The following ORC1 variants were observed in gnomAD, a reference collection of about 807,000 sequenced individuals.
ORC1 encodes the protein origin recognition complex, subunit 1 homolog.
A neutral mutation model predicts 98.9 loss-of-function variants in ORC1; 61 were observed. The observed-to-expected ratio is 0.62, with a 90% CI of 0.50 to 0.76. The LOEUF (loss-of-function observed/expected upper bound fraction) is 0.76, where lower values mean the gene tolerates loss of function less well. Among genes scored for constraint, ORC1 ranks in the 30% least tolerant of loss-of-function variants. ORC1 has a pLI of 0.00. For missense variants in ORC1, 979 were observed against 1,072.2 expected (o/e 0.91, Z 1.21); for synonymous variants, 385 against 406.9 (o/e 0.95, Z 0.65).
rs1259461226 is a variant in ORC1, at chr1:52,383,848, G to A, written c.1845C>T (p.Thr615=). Residue 615 remains threonine, a synonymous_variant, in exon 12 of 17, where the codon ACC becomes ACT. Transcript: ENST00000371568. The part of the protein sequence containing the change: ...FCTRGSPQET[T]VLLVDELDLL... ...ACCTCACCTCATCCACAAGCAGGAC[G>A]GTGGTTTCCTGAGGTGACCCTCGGG... 1.2e-5 allele frequency: 20 copies of A among 1,613,702 alleles called. No homozygotes were observed. Among genetic ancestry groups the A allele is most frequent in the Admixed American group, 1.7e-5 (1 of 60,000 alleles).
Position 52,384,660 on chromosome 1 carries a change from G to C in ORC1, c.1645C>G (p.Arg549Gly). 1 of 1,613,296 alleles carries C rather than the reference G, an allele frequency of 6.2e-7. No homozygotes were observed. Among genetic ancestry groups the C allele is most frequent in the South Asian group, 1.1e-5 (1 of 91,056 alleles). Reference protein sequence around the residue: ...GKTATVHEVIRCLQQAAQAND... With the variant: ...GKTATVHEVIGCLQQAAQAND... ...GCTTGGGCTGCCTGCTGCAGGCAGC[G>C]TATCACTTCATGAACAGTGGCAGTC... is the stretch of plus-strand genomic sequence containing the variant. The change falls in exon 11 of 17, where the codon CGC (arginine) becomes GGC (glycine). Residue 549 changes from arginine to glycine, a missense_variant. Transcript: ENST00000371568.
At chr1:52,392,604 G>T (rs1266226152) in intron 6 of ORC1, among the ~76,000 whole-genome samples, 2 of 152,122 alleles carry the variant, frequency 1.3e-5, no homozygotes, top group Non-Finnish European at 2.9e-5. Context: ...AAAGACACAT[G>T]CACACGCATG....
intron 4 of ORC1, 67 bp from the exon 5 acceptor site, chr1:52,396,431 A>T: frequency 6.3e-7 from 1 of 1,599,484 alleles, no homozygotes; most frequent in Non-Finnish European, 8.5e-7. Flanking sequence ...GTATTCCATC[A>T]GAGCTACAAT....
At chr1:52,383,063 A>G (rs1262042774) in intron 13 of ORC1, among the ~76,000 whole-genome samples, 1 of 150,732 alleles carries the variant, frequency 6.6e-6, no homozygotes, top group Admixed American at 6.6e-5. Context: ...TTTAGTATTC[A>G]TTTTTGCAGA....
intron 14 of ORC1, among the ~76,000 whole-genome samples, chr1:52,376,500 T>TA (rs529864217): frequency 4.9e-4 from 72 of 147,064 alleles, no homozygotes; most frequent in South Asian, 3.4e-3. Flanking sequence ...AGAGTCCATC[T>TA]AAAAAAAAAA....
rs765668160 is a variant in ORC1, at chr1:52,375,459, C to T, written c.2274G>A (p.Met758Ile). 3.1e-6 allele frequency: 5 copies of T among 1,614,028 alleles called. No homozygotes were observed. Among genetic ancestry groups the T allele is most frequent in the East Asian group, 4.5e-5 (2 of 44,894 alleles). The change falls in exon 15 of 17, where the codon ATG (methionine) becomes ATA (isoleucine). Residue 758 changes from methionine (M) to isoleucine (I), a missense_variant. Physicochemically the swap from Met to Ile is conservative, Grantham distance 10. Transcript: ENST00000371568. The part of the protein sequence containing the change: ...IAHSMEAVDE[M>I]FSSSYITAIK... ...TGGCCGTGATGTATGATGATGAAAA[C>T]ATCTCATCCACAGCTTCCATTGAGT...
chr1:52,385,098 C>G, intron 10 of ORC1, 63 bp downstream of exon 10: 3 of 1,017,252 alleles, frequency 2.9e-6, no homozygotes, highest in Non-Finnish European at 4.7e-6. Context: ...CTGTAACACC[C>G]AAGGCATTCC....
rs1647500780 is a variant in ORC1 at position 52,398,005 on chromosome 1, C to A, written c.224-142G>T. ...TTTTTTGAGACAGAGTCTCTGTCAC[C>A]CAGGCTGGAGTGCAGTGGCCCCATC... On this transcript the variant is annotated intron_variant, in intron 3 of 16. Coordinates refer to ENST00000371568, the MANE Select transcript of ORC1 (RefSeq NM_004153.4). The A allele has an allele frequency of 3.8e-6, 3 of 789,002 alleles. No homozygotes were observed. The African/African-American group carries it at 5.1e-5, about 13-fold the overall frequency. The allele number at this position is 789,002 out of a possible 1,614,324, so 48.9% of individuals were successfully genotyped here.
At chr1:52,392,448 A>G (rs367663815) in intron 6 of ORC1, among the ~76,000 whole-genome samples, 195 of 152,322 alleles carry the variant, frequency 1.3e-3, no homozygotes, top group African/African-American at 4.4e-3. Flanking sequence ...ACACTTCTAC[A>G]CTGCTGGTGG....
upstream of ORC1, among the ~76,000 whole-genome samples, chr1:52,405,391 T>C (rs1487778622): frequency 6.6e-6 from 1 of 152,252 alleles, no homozygotes; most frequent in East Asian, 1.9e-4. Context: ...TCACTTTACC[T>C]TTCTTAGCCC....
At chr1:52,373,938 T>C (rs541364796) in intron 16 of ORC1, among the ~76,000 whole-genome samples, 18 of 152,286 alleles carry the variant, frequency 1.2e-4, no homozygotes, top group African/African-American at 4.3e-4. Flanking sequence ...TACCCTAACG[T>C]TCTCTACTGG....
At chr1:52,396,420 A>C (rs895291221) in intron 4 of ORC1, 56 bp from the exon 5 acceptor site, 4 of 1,609,404 alleles carry the variant, frequency 2.5e-6, no homozygotes, top group Non-Finnish European at 2.5e-6. Context: ...AGAGCCAAGG[A>C]GTATTCCATC....
chr1:52,386,469 G>C (rs1197904981), intron 8 of ORC1, among the ~76,000 whole-genome samples: 1 of 152,184 alleles, frequency 6.6e-6, no homozygotes, highest in East Asian at 1.9e-4. Flanking sequence ...GCTTAGTGTA[G>C]TCTAACAGCC....
intron 3 of ORC1, among the ~76,000 whole-genome samples, chr1:52,400,177 T>C (rs570710677): frequency 5.3e-5 from 8 of 152,332 alleles, no homozygotes; most frequent in African/African-American, 1.9e-4. Context: ...TCCTTATCTA[T>C]GTGCAGTACT....
In ORC1 at chr1:52,383,525, G is replaced by A. The variant is rs1476732907; in HGVS notation, c.1908C>T (p.Leu636=). The change falls in exon 13 of 17, where the codon CTC becomes CTT. Residue 636 remains leucine, a synonymous_variant. Transcript: ENST00000371568. ...CCTCCTTATGAGTGGGCCAGTCAAA[G>A]AGATTGTACATTATGTCTTGTTTGT... The part of the protein sequence containing the change: ...WTHKQDIMYN[L]FDWPTHKEAR... The A allele has an allele frequency of 1.2e-6, 2 of 1,614,056 alleles. No homozygotes were observed. The highest frequency in any genetic ancestry group is 1.1e-5 in the South Asian group (1 of 91,080).
chr1:52,402,887 A>C (rs1005387833), intron 1 of ORC1, among the ~76,000 whole-genome samples: 3 of 152,196 alleles, frequency 2.0e-5, no homozygotes, highest in Non-Finnish European at 4.4e-5. Context: ...ACAGAGCAGA[A>C]CTCTGTCTCA....
At chr1:52,387,174 G>A (rs1288612242) in intron 8 of ORC1, among the ~76,000 whole-genome samples, 1 of 152,264 alleles carries the variant, frequency 6.6e-6, no homozygotes, top group East Asian at 1.9e-4. Flanking sequence ...GGAGGTGAGT[G>A]GTGGGTGGGG....
chr1:52,399,396 G>A lies in ORC1; in HGVS notation c.224-1533C>T, dbSNP rs183912389. Among the ~76,000 whole-genome samples the A allele has an allele frequency of 6.8e-3, 1,036 of 151,806 alleles. 11 individuals carry two copies. Among genetic ancestry groups the A allele is most frequent in the Non-Finnish European group, 0.011 (757 of 67,912 alleles). On this transcript the variant is annotated intron_variant, in intron 3 of 16. Coordinates refer to ENST00000371568, the MANE Select transcript of ORC1 (RefSeq NM_004153.4). ...TCCCAGCACTTTGGGAGGCTGAGGC[G>A]GGCGGATCATGAGGTCAGGAGCTCA...
Position 52,396,333 on chromosome 1 carries a change from G to A in ORC1, c.434C>T (p.Pro145Leu), listed in dbSNP as rs1407195060. The A allele has an allele frequency of 5.6e-6, 9 of 1,613,974 alleles. No individual in the cohort carries two copies. The highest frequency in any genetic ancestry group is 2.2e-5 in the East Asian group (1 of 44,886). Residue 145 changes from proline to leucine, a missense_variant, in exon 5 of 17, where the codon CCG (proline) becomes CTG (leucine). Coordinates refer to ENST00000371568, the MANE Select transcript of ORC1 (RefSeq NM_004153.4). ...TGTCTTCTCATTTTTCAGATTCGTCGGTACCACATCCTTTGGGGCTAAAGG... is the reference window on the plus strand; with the variant it reads ...TGTCTTCTCATTTTTCAGATTCGTCAGTACCACATCCTTTGGGGCTAAAGG... ...VIPLAPKDVV[P>L]TNLKNEKTLF...
Sources: gnomAD v4.1 joint callset for allele counts (sites outside exome capture counted in the v4.1 genomes callset) on GRCh38, gnomAD v4.1.1 for gene constraint, MANE v1.5 for transcripts, NCBI Gene and HGNC (gene_info 2026-07-23, HGNC 2026-07-21) for gene names.